Variants in SBF2 observed in about 807,000 individuals in gnomAD.
SBF2 encodes the protein SET binding factor 2.
Under a neutral mutation model 225.2 loss-of-function variants are expected in SBF2, and 112 were observed. The observed-to-expected ratio is 0.50, with a 90% CI of 0.43 to 0.58. The LOEUF is 0.58. Among genes scored for constraint, SBF2 ranks in the 20% least tolerant of loss-of-function variants. The probability of loss-of-function intolerance (pLI) is 0.00; values close to 1 mark genes in which losing one functional copy is unlikely to be tolerated. For missense variants in SBF2, 1,996 were observed against 2,206.2 expected, an observed-to-expected ratio of 0.90 and a Z score of 1.91; for synonymous variants, 763 against 773.3, an observed-to-expected ratio of 0.99 and a Z score of 0.22.
At chr11:10,193,109 A>G (rs935815993) in intron 2 of SBF2, among the ~76,000 whole-genome samples, 1 of 152,176 alleles carries the variant, frequency 6.6e-6, no homozygotes, top group Non-Finnish European at 1.5e-5. Context: ...GCTAAAAACA[A>G]AAGAAATCTA....
At chr11:10,191,731 T>C (rs1344348126) in intron 2 of SBF2, among the ~76,000 whole-genome samples, 1 of 152,204 alleles carries the variant, frequency 6.6e-6, no homozygotes, top group African/African-American at 2.4e-5. Flanking sequence ...GAAACATTTA[T>C]AGCACTTGAA....
Position 9,963,833 on chromosome 11 carries a change from T to C in SBF2, c.1650A>G (p.Leu550=), listed in dbSNP as rs1270258887. Reference sequence around the variant, plus strand: ...ATGAGATACAGTTTCTGACAACTTCTAGTCTTTGTGCACTGTTGAAAACTG... The same window carrying C: ...ATGAGATACAGTTTCTGACAACTTCCAGTCTTTGTGCACTGTTGAAAACTG... The part of the protein sequence containing the change: ...VTTVFNSAQR[L]EVVRNCISFI... Residue 550 remains leucine (L), a synonymous_variant, in exon 15 of 40, where the codon CTA becomes CTG. Transcript: ENST00000256190. 2 of 1,611,902 alleles carry C rather than the reference T, an allele frequency of 1.2e-6. No individual in the cohort carries two copies. Among genetic ancestry groups the C allele is most frequent in the Non-Finnish European group, 1.7e-6 (2 of 1,178,348 alleles).
At chr11:9,995,274 G>A (rs1947643078) in intron 9 of SBF2, among the ~76,000 whole-genome samples, 1 of 152,202 alleles carries the variant, frequency 6.6e-6, no homozygotes, top group Non-Finnish European at 1.5e-5. Context: ...AAGGACCTGT[G>A]AAGGACTTGC....
At chr11:10,092,151 A>G (rs558479705) in intron 2 of SBF2, among the ~76,000 whole-genome samples, 1 of 152,346 alleles carries the variant, frequency 6.6e-6, no homozygotes, top group East Asian at 1.9e-4. Flanking sequence ...TTATAAAAGT[A>G]GAGAAAAAGC....
Position 9,789,277 on chromosome 11 carries a change from C to T in SBF2, c.4764G>A (p.Leu1588=), listed in dbSNP as rs748959524. 2 of 1,614,078 alleles carry T rather than the reference C, an allele frequency of 1.2e-6. No individual in the cohort carries two copies. The highest frequency in any genetic ancestry group is 8.5e-7 in the Non-Finnish European group (1 of 1,180,042). Residue 1588 remains leucine, a synonymous_variant, in exon 35 of 40, where the codon CTG becomes CTA. Transcript: ENST00000256190. The stretch of plus-strand genomic sequence containing the variant: ...TCCAGTCATAGGAAGGGCCTGTGGA[C>T]AGGGTCTCTTCTATGTAGTAATCCC... The part of the protein sequence containing the change: ...KKWDYYIEET[L]STGPSYDWMM...
Position 9,985,317 on chromosome 11 carries a change from G to T in SBF2, c.1395+4180C>A, listed in dbSNP as rs529387362. On this transcript the variant is annotated intron_variant, in intron 13 of 39. Coordinates refer to ENST00000256190, the MANE Select transcript of SBF2 (RefSeq NM_030962.4). ...GCAGGGGTAGCTATTCTTTTTAGTT[G>T]TTTTTTTTTGTTTTGTTTTGTTTGA... 2.4e-4 allele frequency among the ~76,000 whole-genome samples: 37 copies of T among 151,126 alleles called. No individual in the cohort carries two copies. In the South Asian group the frequency reaches 7.8e-3, roughly 32 times the overall value.
At chr11:9,807,766 C>A (rs1853933109) in intron 32 of SBF2, 1 of 571,834 alleles carries the variant, frequency 1.7e-6, no homozygotes, top group East Asian at 3.0e-5. Flanking sequence ...GTGCTGGCTA[C>A]TTCACTTGGG....
At chr11:9,832,088 G>T (rs1855434659) in intron 27 of SBF2, 136 bp downstream of exon 27, 2 of 740,116 alleles carry the variant, frequency 2.7e-6, no homozygotes, top group Non-Finnish European at 4.8e-6. Context: ...TGTACATGTT[G>T]CATGTAGCAA....
At chr11:10,133,610 AC>A (rs1954202974) in intron 2 of SBF2, among the ~76,000 whole-genome samples, 1 of 143,654 alleles carries the variant, frequency 7.0e-6, no homozygotes, top group South Asian at 2.2e-4. Context: ...TGCGGGGCCC[AC>A]CAAGCCCACG....
chr11:9,892,187 C>T (rs542843799), intron 17 of SBF2, among the ~76,000 whole-genome samples: 4 of 152,096 alleles, frequency 2.6e-5, no homozygotes, highest in African/African-American at 4.8e-5. Flanking sequence ...GGCGTGATCT[C>T]GGCTCACTGC....
intron 28 of SBF2, 148 bp downstream of exon 28, chr11:9,829,208 G>T: frequency 1.2e-6 from 1 of 845,230 alleles, no homozygotes; most frequent in Non-Finnish European, 2.0e-6. Flanking sequence ...AGTAAAAGGA[G>T]TTAAACTTAT....
At chr11:9,809,069 G>A in intron 30 of SBF2, 67 bp from the exon 31 acceptor site, 1 of 1,220,218 alleles carries the variant, frequency 8.2e-7, no homozygotes, top group Non-Finnish European at 1.2e-6. Context: ...AGAGAGAGTT[G>A]CTTTCAACCC....
chr11:10,030,919 A>AG, intron 4 of SBF2, 129 bp downstream of exon 4: 1 of 784,664 alleles, frequency 1.3e-6, no homozygotes, highest in Non-Finnish European at 2.1e-6. Flanking sequence ...TGTTCATGCT[A>AG]ACTGTATTTC....
chr11:9,879,976 C>T (rs947762181), intron 17 of SBF2, among the ~76,000 whole-genome samples: 2 of 148,300 alleles, frequency 1.3e-5, no homozygotes, highest in African/African-American at 2.5e-5. Flanking sequence ...CCCAGCTACT[C>T]GGGAGGCTGA....
At chr11:10,149,975 T>C (rs1955095999) in intron 2 of SBF2, among the ~76,000 whole-genome samples, 1 of 152,234 alleles carries the variant, frequency 6.6e-6, no homozygotes, top group Admixed American at 6.5e-5. Flanking sequence ...ATGCTCATTA[T>C]TTTCATCCAC....
chr11:10,084,692 TC>T (rs1951492461), intron 2 of SBF2, among the ~76,000 whole-genome samples: 1 of 152,194 alleles, frequency 6.6e-6, no homozygotes, highest in Non-Finnish European at 1.5e-5. Context: ...TAAGTGTCCA[TC>T]AACGGATGAC....
At chr11:9,805,345 GGTGTTGCAT>G (rs1447685563) in intron 32 of SBF2, among the ~76,000 whole-genome samples, 1 of 152,002 alleles carries the variant, frequency 6.6e-6, no homozygotes, top group African/African-American at 2.4e-5. Flanking sequence ...ATCCCTTCAA[GGTGTTGCAT>G]GTGCCAGTAA....
At chr11:9,995,682 CTGT>C (rs572249747) in intron 9 of SBF2, among the ~76,000 whole-genome samples, 96 of 146,578 alleles carry the variant, frequency 6.5e-4, no homozygotes, top group African/African-American at 2.3e-3. Flanking sequence ...CAGAGTTTTG[CTGT>C]TGTTGTCCAG....
At chr11:10,115,883 T>C (rs559411294) in intron 2 of SBF2, among the ~76,000 whole-genome samples, 1 of 152,302 alleles carries the variant, frequency 6.6e-6, no homozygotes, top group South Asian at 2.1e-4. Flanking sequence ...TTTGTTTATC[T>C]GGGCCAGGTG....
Sources: allele counts gnomAD v4.1 joint callset (sites outside exome capture counted in the v4.1 genomes callset), GRCh38; gene constraint gnomAD v4.1.1; transcripts MANE v1.5; gene names NCBI Gene and HGNC (gene_info 2026-07-23, HGNC 2026-07-21).